STARD13: variants seen among roughly 807,000 people sequenced by gnomAD.
STARD13 encodes StAR related lipid transfer domain containing 13.
STARD13 carries 62 observed loss-of-function variants against 106.4 expected under a neutral mutation model. That is an observed-to-expected ratio of 0.58 (90% CI 0.48 to 0.72). STARD13 has a LOEUF of 0.72. Among genes scored for constraint, STARD13 ranks in the 30% least tolerant of loss-of-function variants. The pLI is 0.00. For synonymous variants in STARD13, 565 were observed against 553.0 expected (o/e 1.02, Z -0.31); for missense variants, 1,387 against 1,424.0 (o/e 0.97, Z 0.42).
At chr13:33,648,520 G>A in the STARD13 span, among the ~76,000 whole-genome samples, 1 of 152,300 alleles carries the variant, frequency 6.6e-6, no homozygotes, top group East Asian at 1.9e-4. Context: ...ATGAAATGTG[G>A]CATAGTATGG....
the STARD13 span, among the ~76,000 whole-genome samples, chr13:33,370,785 A>AT: frequency 4.0e-5 from 6 of 150,770 alleles, no homozygotes; most frequent in South Asian, 6.3e-4. Flanking sequence ...TGTCTGGCTG[A>AT]TTTTTTTTGT....
the STARD13 span, among the ~76,000 whole-genome samples, chr13:33,374,587 T>C: frequency 2.6e-5 from 4 of 152,194 alleles, no homozygotes; most frequent in East Asian, 7.7e-4. Context: ...TTAAATACTA[T>C]GGTGTTCAGG....
intron 3 of STARD13, among the ~76,000 whole-genome samples, chr13:33,151,686 G>T (rs2138282374): frequency 1.3e-5 from 2 of 152,336 alleles, no homozygotes; most frequent in South Asian, 4.1e-4. Context: ...GAGCAATCTG[G>T]TACAATGAGG....
intron 1 of STARD13, among the ~76,000 whole-genome samples, chr13:33,233,601 G>A (rs1889035843): frequency 6.6e-6 from 1 of 152,198 alleles, no homozygotes; most frequent in African/African-American, 2.4e-5. Flanking sequence ...CTGGACAAGA[G>A]CTCAGGACCC....
At chr13:33,623,114 A>G in the STARD13 span, among the ~76,000 whole-genome samples, 1 of 152,076 alleles carries the variant, frequency 6.6e-6, no homozygotes, top group East Asian at 1.9e-4. Context: ...AAAATAAAAT[A>G]AAATAAAAAT....
chr13:33,118,695 G>T (rs75513127), intron 7 of STARD13, among the ~76,000 whole-genome samples: 1 of 152,156 alleles, frequency 6.6e-6, no homozygotes, highest in Non-Finnish European at 1.5e-5. Flanking sequence ...TTTTGAGAAC[G>T]TCTGGTCAAT....
chr13:33,270,984 T>C (rs1053334717), intron 1 of STARD13, among the ~76,000 whole-genome samples: 21 of 152,312 alleles, frequency 1.4e-4, no homozygotes, highest in African/African-American at 4.8e-4. Flanking sequence ...AGTTCATCAA[T>C]CTCTTTATGT....
intron 4 of STARD13, among the ~76,000 whole-genome samples, chr13:33,132,068 C>T (rs1370793388): frequency 6.6e-6 from 1 of 152,164 alleles, no homozygotes; most frequent in South Asian, 2.1e-4. Context: ...GGGGATCCTC[C>T]TATTCTTGTT....
chr13:33,532,937 C>G, the STARD13 span, among the ~76,000 whole-genome samples: 5 of 151,970 alleles, frequency 3.3e-5, no homozygotes, highest in Non-Finnish European at 7.3e-5. Flanking sequence ...AAATCAGCCA[C>G]AAAATTTTTC....
At position 33,122,938 on chromosome 13, in the gene STARD13, C is replaced by A. The variant is rs570757473; in HGVS notation, c.2082+3143G>T. On this transcript the variant is annotated intron_variant, in intron 7 of 13. Coordinates refer to ENST00000336934, the MANE Select transcript of STARD13 (RefSeq NM_178006.4). Reference sequence around the variant, plus strand: ...GGTATGGTGGTGCGTGCCTGTAAATCCCAGCCACTCAGGAGGCTGAGGCAG... The same window carrying A: ...GGTATGGTGGTGCGTGCCTGTAAATACCAGCCACTCAGGAGGCTGAGGCAG... Among the ~76,000 whole-genome samples, 18 of 151,920 alleles carry A rather than the reference C, an allele frequency of 1.2e-4. 1 individual carries two copies. In the South Asian group the frequency reaches 3.5e-3, roughly 30 times the overall value.
At chr13:33,519,259 T>TCTTC in the STARD13 span, among the ~76,000 whole-genome samples, 1 of 149,548 alleles carries the variant, frequency 6.7e-6, no homozygotes, top group Non-Finnish European at 1.5e-5. Context: ...TTTCTTTCTT[T>TCTTC]CTTTCTTTCT....
At chr13:33,155,394 C>T (rs1881830550) in intron 3 of STARD13, 1 of 152,236 alleles carries the variant, frequency 6.6e-6, no homozygotes, top group South Asian at 2.1e-4. Context: ...GCATAATGAA[C>T]ACTCACTAAA....
the STARD13 span, among the ~76,000 whole-genome samples, chr13:33,614,296 T>TGTGTGTGTGTGTGTG: frequency 3.3e-5 from 5 of 151,796 alleles, no homozygotes; most frequent in South Asian, 2.1e-4. Context: ...TGTGTGTGTG[T>TGTGTGTGTGTGTGTG]TTCTTGGAAA....
chr13:33,274,709 C>T (rs1413482330), intron 1 of STARD13, among the ~76,000 whole-genome samples: 1 of 152,114 alleles, frequency 6.6e-6, no homozygotes, highest in Non-Finnish European at 1.5e-5. Flanking sequence ...ATCACCCCAA[C>T]CTGGGTTTGG....
the STARD13 span, among the ~76,000 whole-genome samples, chr13:33,546,769 G>A: frequency 6.6e-6 from 1 of 151,856 alleles, no homozygotes; most frequent in Non-Finnish European, 1.5e-5. Flanking sequence ...TCAGCTTCCT[G>A]AGTAGCTGGG....
At chr13:33,598,234 C>G in the STARD13 span, among the ~76,000 whole-genome samples, 1 of 152,104 alleles carries the variant, frequency 6.6e-6, no homozygotes, top group African/African-American at 2.4e-5. Context: ...CTTAGTATTC[C>G]CTCGTATTGC....
the STARD13 span, among the ~76,000 whole-genome samples, chr13:33,400,492 T>C: frequency 3.3e-5 from 5 of 151,742 alleles, no homozygotes; most frequent in Non-Finnish European, 5.9e-5. Flanking sequence ...GACAGAGTCT[T>C]GCTCTGTCCT....
the STARD13 span, among the ~76,000 whole-genome samples, chr13:33,575,139 A>G: frequency 6.6e-6 from 1 of 151,946 alleles, no homozygotes; most frequent in Admixed American, 6.6e-5. Context: ...ACTGGTCTCC[A>G]ACTCCTGACC....
At position 33,219,204 on chromosome 13, in the gene STARD13, G is replaced by A. The variant is rs1888206749; in HGVS notation, c.170-51582C>T. Among the ~76,000 whole-genome samples, 5 of 152,116 alleles carry A rather than the reference G, an allele frequency of 3.3e-5. No homozygotes were observed. The South Asian group carries it at 8.3e-4, about 25-fold the overall frequency. ...TACGCCACAGTTCCAGGGCATGACTGTAGAGCAGGGAAAAGTACTGCAAAG... is the reference window on the plus strand; with the variant it reads ...TACGCCACAGTTCCAGGGCATGACTATAGAGCAGGGAAAAGTACTGCAAAG... On this transcript the variant is annotated intron_variant, in intron 1 of 13. Coordinates refer to ENST00000336934, the MANE Select transcript of STARD13 (RefSeq NM_178006.4).
Sources: gnomAD v4.1 joint callset for allele counts (sites outside exome capture counted in the v4.1 genomes callset) on GRCh38, gnomAD v4.1.1 for gene constraint, MANE v1.5 for transcripts, NCBI Gene and HGNC (gene_info 2026-07-23, HGNC 2026-07-21) for gene names.